The following ESR1 variants were observed in gnomAD, a reference collection of about 807,000 sequenced individuals.
ESR1 encodes the protein estrogen receptor.
In ESR1, 12 loss-of-function variants were observed where a neutral mutation model predicts 52.7. The ratio of observed to expected loss-of-function variants is 0.23; its 90% CI spans 0.15 to 0.37. The LOEUF (loss-of-function observed/expected upper bound fraction) is 0.37. Ranked by LOEUF, ESR1 falls within the 10% of genes least tolerant of loss-of-function variation. The pLI is 1.00. For missense variants in ESR1, 584 were observed against 779.7 expected, an observed-to-expected ratio of 0.75 and a Z score of 2.99; for synonymous variants, 305 against 316.8, an observed-to-expected ratio of 0.96 and a Z score of 0.39.
intron 2 of ESR1, among the ~76,000 whole-genome samples, chr6:151,768,384 C>T (rs1331385618): frequency 6.6e-6 from 1 of 152,150 alleles, no homozygotes; most frequent in East Asian, 1.9e-4. Context: ...GGCTAGAACT[C>T]TTCAAAATTG....
intron 6 of ESR1, among the ~76,000 whole-genome samples, chr6:152,120,939 C>A (rs896917080): frequency 1.3e-5 from 2 of 152,102 alleles, no homozygotes; most frequent in Admixed American, 6.6e-5. Context: ...GTGACACAGA[C>A]CTTGAGAGAA....
intron 6 of ESR1, among the ~76,000 whole-genome samples, chr6:152,093,462 T>A (rs370487056): frequency 6.6e-6 from 1 of 151,944 alleles, no homozygotes; most frequent in African/African-American, 2.4e-5. Context: ...ATTCAGAGCC[T>A]CGTATTCTCA....
intron 2 of ESR1, among the ~76,000 whole-genome samples, chr6:151,790,571 C>T (rs570278956): frequency 2.7e-5 from 4 of 150,780 alleles, no homozygotes; most frequent in Middle Eastern, 3.4e-3. Flanking sequence ...AAGAGAGAAA[C>T]GCTTCTTGCT....
At chr6:151,719,525 TCC>T (rs1781304312) in intron 2 of ESR1, among the ~76,000 whole-genome samples, 1 of 152,028 alleles carries the variant, frequency 6.6e-6, no homozygotes. Flanking sequence ...ATCACTGGAG[TCC>T]ATTGTACTTG....
At chr6:152,093,284 A>AC (rs1395232500) in intron 6 of ESR1, among the ~76,000 whole-genome samples, 4 of 151,018 alleles carry the variant, frequency 2.6e-5, no homozygotes, top group African/African-American at 9.7e-5. Context: ...CAAAAAAAAA[A>AC]CAAAAAAAAA....
chr6:151,812,999 GCTACTTCGTCTCTAAAATATA>G (rs987742328), intron 1 of ESR1, among the ~76,000 whole-genome samples: 6 of 151,598 alleles, frequency 4.0e-5, no homozygotes, highest in African/African-American at 1.5e-4. Flanking sequence ...TGAGCTGTTC[GCTACTTCGTCTCTAAAATATA>G]CTCATACTGA....
At chr6:152,015,738 A>G (rs1342675656) in intron 5 of ESR1, among the ~76,000 whole-genome samples, 1 of 152,156 alleles carries the variant, frequency 6.6e-6, no homozygotes, top group Non-Finnish European at 1.5e-5. Context: ...GCATAAATAC[A>G]TATCTATGTG....
chr6:152,067,613 G>T (rs1302368729), intron 6 of ESR1, among the ~76,000 whole-genome samples: 1 of 152,156 alleles, frequency 6.6e-6, no homozygotes, highest in Non-Finnish European at 1.5e-5. Context: ...ATTGCCTGAG[G>T]TCAGGAGTTC....
chr6:152,113,341 G>A (rs975249783), intron 6 of ESR1, among the ~76,000 whole-genome samples: 1 of 152,212 alleles, frequency 6.6e-6, no homozygotes, highest in Non-Finnish European at 1.5e-5. Context: ...CCTGATGAAA[G>A]GAGTAAGAGT....
chr6:151,978,853 G>A (rs9340934), intron 4 of ESR1, among the ~76,000 whole-genome samples: 29 of 152,196 alleles, frequency 1.9e-4, no homozygotes, highest in Non-Finnish European at 3.4e-4. Flanking sequence ...AACTGTTGGA[G>A]GATGTAGTTT....
At chr6:151,953,912 A>G (rs1290859519) in intron 4 of ESR1, among the ~76,000 whole-genome samples, 1 of 146,866 alleles carries the variant, frequency 6.8e-6, no homozygotes, top group Non-Finnish European at 1.5e-5. Flanking sequence ...GAGAGCTCTA[A>G]CCTGTAGATT....
chr6:151,853,197 A>G (rs200397341), intron 2 of ESR1, among the ~76,000 whole-genome samples: 5 of 140,330 alleles, frequency 3.6e-5, no homozygotes, highest in East Asian at 2.4e-4. Context: ...AAAAAAAAAA[A>G]AGAGAAAGAA....
intron 5 of ESR1, among the ~76,000 whole-genome samples, chr6:152,044,407 C>T (rs1334110696): frequency 6.6e-6 from 1 of 152,176 alleles, no homozygotes; most frequent in African/African-American, 2.4e-5. Context: ...TCAGGATTCG[C>T]TAGAGGGACA....
intron 3 of ESR1, among the ~76,000 whole-genome samples, chr6:151,931,959 C>T (rs9765981): frequency 0.77 from 108,193 of 141,064 alleles, 41,996 homozygotes; most frequent in African/African-American, 0.84. Context: ...GTCATTTGGG[C>T]ATATACCCAG....
chr6:151,966,227 A>G (rs1163075528), intron 4 of ESR1, among the ~76,000 whole-genome samples: 1 of 152,194 alleles, frequency 6.6e-6, no homozygotes, highest in African/African-American at 2.4e-5. Context: ...ATATTCTAAA[A>G]TCCATTGCTG....
intron 4 of ESR1, among the ~76,000 whole-genome samples, chr6:151,993,203 G>A (rs1040812542): frequency 6.6e-6 from 1 of 152,006 alleles, no homozygotes; most frequent in Non-Finnish European, 1.5e-5. Context: ...AAAATACAAA[G>A]TTGTCCTGGG....
chr6:151,717,438 TATATG>T (rs1781132821), intron 2 of ESR1, among the ~76,000 whole-genome samples: 1 of 152,262 alleles, frequency 6.6e-6, no homozygotes, highest in Non-Finnish European at 1.5e-5. Flanking sequence ...GTAATAAACT[TATATG>T]TATGTCCTAA....
chr6:152,024,138 G>A (rs374959162), intron 5 of ESR1, among the ~76,000 whole-genome samples: 34 of 147,788 alleles, frequency 2.3e-4, no homozygotes, highest in African/African-American at 8.3e-4. Context: ...TAAAAAGTCA[G>A]TATTTCTCAA....
intron 2 of ESR1, among the ~76,000 whole-genome samples, chr6:151,771,593 T>C (rs1313827947): frequency 6.6e-6 from 1 of 152,238 alleles, no homozygotes; most frequent in Non-Finnish European, 1.5e-5. Flanking sequence ...TAATATATCA[T>C]GGAGTGAAAA....
Sources: gnomAD v4.1 joint callset for allele counts (sites outside exome capture counted in the v4.1 genomes callset) on GRCh38, gnomAD v4.1.1 for gene constraint, MANE v1.5 for transcripts, NCBI Gene and HGNC (gene_info 2026-07-23, HGNC 2026-07-21) for gene names.